Variants in CR1L observed in about 807,000 individuals in gnomAD.
CR1L encodes complement C3b/C4b receptor 1 like.
Under a neutral mutation model 62.3 loss-of-function variants are expected in CR1L, and 59 were observed. That is an observed-to-expected ratio of 0.95 (90% confidence interval 0.77 to 1.18). The LOEUF is 1.18. CR1L is among the 50% of genes most tolerant of loss of function. The pLI, the probability that CR1L is intolerant of heterozygous loss-of-function variation, is 0.00. For missense variants in CR1L, 700 were observed against 702.8 expected, an observed-to-expected ratio of 1.00 and a Z score of 0.04; for synonymous variants, 279 against 248.7, an observed-to-expected ratio of 1.12 and a Z score of -1.15.
At chr1:207,681,654 T>C (rs1663801165) in intron 3 of CR1L, among the ~76,000 whole-genome samples, 1 of 152,062 alleles carries the variant, frequency 6.6e-6, no homozygotes, top group Non-Finnish European at 1.5e-5. Context: ...GGAAAAAAAA[T>C]GCCAATTTAA....
intron 1 of CR1L, chr1:207,657,507 C>G (rs529692691): frequency 7.3e-6 from 3 of 408,464 alleles, no homozygotes; most frequent in East Asian, 8.4e-5. Context: ...TTTTCACCCC[C>G]ACATGTTCTT....
intron 3 of CR1L, among the ~76,000 whole-genome samples, chr1:207,682,310 A>G (rs1403538167): frequency 2.6e-5 from 4 of 152,050 alleles, no homozygotes; most frequent in Non-Finnish European, 5.9e-5. Flanking sequence ...CGTCTTTACT[A>G]AAAATACAAA....
intron 10 of CR1L, among the ~76,000 whole-genome samples, chr1:207,712,088 G>T (rs906046271): frequency 3.3e-5 from 5 of 152,198 alleles, no homozygotes; most frequent in Admixed American, 6.5e-5. Context: ...AGCACCACTG[G>T]CTCATCCGTG....
intron 1 of CR1L, chr1:207,658,863 G>T (rs1185698366): frequency 6.6e-6 from 1 of 152,410 alleles, no homozygotes. Context: ...ACAGCCAGGG[G>T]GAAAATAAAG....
intron 1 of CR1L, among the ~76,000 whole-genome samples, chr1:207,663,058 G>T (rs890265102): frequency 6.6e-6 from 1 of 152,286 alleles, no homozygotes; most frequent in Middle Eastern, 3.4e-3. Context: ...CGCCCCTACT[G>T]GGGGGTGCCT....
rs958135808 is a variant in CR1L, at chr1:207,662,697, C to T, written c.98-14692C>T. The stretch of plus-strand genomic sequence containing the variant: ...TTGTTCCTTTGCTGGTGAGGAGCTG[C>T]GTTCCTTTGGAGGAGGAGAAGCGCT... On this transcript the variant is annotated intron_variant, in intron 1 of 11. Coordinates refer to ENST00000508064, the MANE Select transcript of CR1L (RefSeq NM_175710.2). Among the ~76,000 whole-genome samples the T allele has an allele frequency of 6.6e-5, 10 of 152,184 alleles. No individual in the cohort carries two copies. The South Asian group carries it at 1.2e-3, about 19-fold the overall frequency.
chr1:207,647,757 G>A (rs1663153191), intron 1 of CR1L, among the ~76,000 whole-genome samples: 1 of 152,144 alleles, frequency 6.6e-6, no homozygotes, highest in Non-Finnish European at 1.5e-5. Flanking sequence ...GCAGCTGAGG[G>A]CCAGAAAGGA....
chr1:207,679,989 G>C (rs559130102), intron 3 of CR1L, among the ~76,000 whole-genome samples: 2 of 152,186 alleles, frequency 1.3e-5, no homozygotes, highest in Non-Finnish European at 2.9e-5. Flanking sequence ...AGAGGATTTT[G>C]AGGGTAGTGA....
At chr1:207,695,061 A>G (rs540698402) in intron 5 of CR1L, among the ~76,000 whole-genome samples, 38 of 152,326 alleles carry the variant, frequency 2.5e-4, no homozygotes, top group African/African-American at 8.2e-4. Flanking sequence ...ACCATAATAC[A>G]GGCTACATGT....
At position 207,713,697 on chromosome 1, in the gene CR1L, G is replaced by A. The variant is rs554532173; in HGVS notation, c.1415-3767G>A. 2.0e-5 allele frequency among the ~76,000 whole-genome samples: 3 copies of A among 152,366 alleles called. No individual in the cohort carries two copies. In the East Asian group the frequency reaches 5.8e-4, roughly 29 times the overall value. ...CGGGCTCCGTGCAAGGCTTGTGGCTGGACCAGGCATGTCACACTGAAGGGA... is the reference window on the plus strand; with the variant it reads ...CGGGCTCCGTGCAAGGCTTGTGGCTAGACCAGGCATGTCACACTGAAGGGA... On this transcript the variant is annotated intron_variant, in intron 10 of 11. Transcript: ENST00000508064.
intron 11 of CR1L, among the ~76,000 whole-genome samples, chr1:207,718,973 T>C (rs529490071): frequency 1.3e-4 from 20 of 148,760 alleles, no homozygotes; most frequent in Admixed American, 3.4e-4. Context: ...ATGGATGAAA[T>C]TGGAAAACAT....
chr1:207,697,168 C>G (rs1664111673), intron 5 of CR1L, among the ~76,000 whole-genome samples: 1 of 152,132 alleles, frequency 6.6e-6, no homozygotes, highest in Non-Finnish European at 1.5e-5. Context: ...TATAAAAATC[C>G]ATCATCCCTC....
At chr1:207,674,573 A>C (rs1663660544) in intron 1 of CR1L, among the ~76,000 whole-genome samples, 1 of 152,178 alleles carries the variant, frequency 6.6e-6, no homozygotes, top group African/African-American at 2.4e-5. Flanking sequence ...ATACTACTAT[A>C]AAGGTAAGAA....
chr1:207,667,359 T>A (rs1663539331), intron 1 of CR1L, among the ~76,000 whole-genome samples: 3 of 152,194 alleles, frequency 2.0e-5, no homozygotes, highest in Admixed American at 2.0e-4. Flanking sequence ...GGAGAACCTG[T>A]TTCTTGCTTC....
intron 1 of CR1L, among the ~76,000 whole-genome samples, chr1:207,674,179 A>G (rs1184901698): frequency 6.6e-6 from 1 of 152,220 alleles, no homozygotes; most frequent in Admixed American, 6.5e-5. Context: ...AAGGTTGCCT[A>G]GAGAAGGAAG....
chr1:207,653,079 GA>G (rs935025837), intron 1 of CR1L: 11 of 212,560 alleles, frequency 5.2e-5, no homozygotes, highest in Admixed American at 5.5e-5. Context: ...TTTCTTTTAG[GA>G]AAAACATGTC....
intron 4 of CR1L, among the ~76,000 whole-genome samples, chr1:207,688,722 C>T (rs1558019496): frequency 6.6e-6 from 1 of 151,908 alleles, no homozygotes; most frequent in Non-Finnish European, 1.5e-5. Context: ...ATATATCCTC[C>T]CATTTTTGAA....
At chr1:207,675,821 A>G (rs1347726378) in intron 1 of CR1L, among the ~76,000 whole-genome samples, 2 of 152,226 alleles carry the variant, frequency 1.3e-5, no homozygotes, top group East Asian at 1.9e-4. Flanking sequence ...TTAAATCTAC[A>G]AGGCCTTAAG....
intron 1 of CR1L, chr1:207,669,491 C>T (rs1421038999): frequency 1.3e-6 from 2 of 1,580,272 alleles, no homozygotes; most frequent in African/African-American, 1.4e-5. Context: ...GGGCAGCCGG[C>T]GCCCGGTCTC....
Sources: gnomAD v4.1 joint callset for allele counts (sites outside exome capture counted in the v4.1 genomes callset) on GRCh38, gnomAD v4.1.1 for gene constraint, MANE v1.5 for transcripts, NCBI Gene and HGNC (gene_info 2026-07-23, HGNC 2026-07-21) for gene names.